The following BLTP1 variants were observed in gnomAD, a reference collection of about 807,000 sequenced individuals.
The protein encoded by BLTP1 is bridge-like lipid transfer protein family member 1, also known as fragile site-associated protein.
At chr4:122,205,709 T>C in the BLTP1 span, among the ~76,000 whole-genome samples, 3 of 148,622 alleles carry the variant, frequency 2.0e-5, no homozygotes, top group South Asian at 6.3e-4. Context: ...ATTGTTTCCC[T>C]CTCTCTCTCT....
At chr4:122,299,146 G>A in the BLTP1 span, 4 of 984,732 alleles carry the variant, frequency 4.1e-6, no homozygotes, top group South Asian at 4.7e-5. Context: ...GTATTTTTTG[G>A]CAAACATCAT....
chr4:122,207,994 A>T, the BLTP1 span: 1 of 985,208 alleles, frequency 1.0e-6, no homozygotes, highest in Non-Finnish European at 1.2e-6. Context: ...CATGAATTCA[A>T]GGAGTAACCA....
chr4:122,226,279 C>A, the BLTP1 span: 1 of 426,932 alleles, frequency 2.3e-6, no homozygotes, highest in African/African-American at 2.2e-5. Flanking sequence ...TTCAAAATAC[C>A]TGGTTTTAAA....
chr4:122,211,817 A>G, the BLTP1 span, among the ~76,000 whole-genome samples: 1 of 152,134 alleles, frequency 6.6e-6, no homozygotes, highest in African/African-American at 2.4e-5. Context: ...AATCACTCTT[A>G]TTCTTTTGAT....
At chr4:122,163,595 C>T in the BLTP1 span, among the ~76,000 whole-genome samples, 1 of 152,200 alleles carries the variant, frequency 6.6e-6, no homozygotes, top group Admixed American at 6.5e-5. Context: ...TTATACAATT[C>T]AGTATCTATG....
chr4:122,278,416 C>T, the BLTP1 span, among the ~76,000 whole-genome samples: 360 of 152,206 alleles, frequency 2.4e-3, 1 homozygote, highest in Admixed American at 4.6e-3. Flanking sequence ...CTACTGATTT[C>T]CCATCAAAAC....
At chr4:122,259,039 C>T in the BLTP1 span, among the ~76,000 whole-genome samples, 1 of 152,112 alleles carries the variant, frequency 6.6e-6, no homozygotes, top group South Asian at 2.1e-4. Context: ...TGATTAAGGA[C>T]CACTATAACT....
At chr4:122,219,093 G>A in the BLTP1 span, 83 of 970,004 alleles carry the variant, frequency 8.6e-5, no homozygotes, top group Non-Finnish European at 8.8e-5. Flanking sequence ...TTGGGGCAAT[G>A]CCATGAAGTT....
chr4:122,159,565 T>C, the BLTP1 span, among the ~76,000 whole-genome samples: 1 of 152,226 alleles, frequency 6.6e-6, no homozygotes, highest in Non-Finnish European at 1.5e-5. Context: ...TTCACTTTGT[T>C]GTTGAATTGA....
At chr4:122,194,064 G>A in the BLTP1 span, among the ~76,000 whole-genome samples, 15 of 151,988 alleles carry the variant, frequency 9.9e-5, no homozygotes, top group African/African-American at 3.1e-4. Flanking sequence ...GGGTTTCACC[G>A]TTTTAGCCGG....
chr4:122,186,969 G>T, the BLTP1 span: 8 of 971,930 alleles, frequency 8.2e-6, no homozygotes, highest in Non-Finnish European at 9.8e-6. Context: ...TTGGCACAAG[G>T]CATTTGGGTG....
chr4:122,264,159 A>G, the BLTP1 span: 2 of 1,407,862 alleles, frequency 1.4e-6, no homozygotes, highest in South Asian at 1.9e-5. Context: ...TGGTACTACT[A>G]TACAGGCTTC....
chr4:122,335,010 T>C, the BLTP1 span, among the ~76,000 whole-genome samples: 19,033 of 151,908 alleles, frequency 0.13, 1,271 homozygotes, highest in African/African-American at 0.16. Context: ...GGATCTAACT[T>C]ATGGTCTTTT....
At chr4:122,153,178 T>C in the BLTP1 span, 3 of 290,958 alleles carry the variant, frequency 1.0e-5, no homozygotes, top group South Asian at 2.7e-4. Flanking sequence ...TTTTTTTTTT[T>C]TACCTTCCTG....
chr4:122,239,391 G>A, the BLTP1 span: 2 of 832,104 alleles, frequency 2.4e-6, no homozygotes, highest in African/African-American at 1.7e-5. Context: ...TTATAAAATT[G>A]TAGATTTTCT....
the BLTP1 span, chr4:122,316,672 A>C: frequency 4.5e-6 from 7 of 1,566,332 alleles, no homozygotes; most frequent in African/African-American, 6.8e-5. Context: ...ATTTTGTGAT[A>C]GTATAGATTT....
chr4:122,248,210 T>A, the BLTP1 span: 1 of 730,650 alleles, frequency 1.4e-6, no homozygotes, highest in Non-Finnish European at 1.7e-6. Flanking sequence ...TCTGTAGTCC[T>A]AAAACTGGTG....
the BLTP1 span, among the ~76,000 whole-genome samples, chr4:122,282,883 C>CT: frequency 1.8e-4 from 27 of 150,784 alleles, no homozygotes; most frequent in Non-Finnish European, 2.7e-4. Context: ...GTTGATGGTT[C>CT]TTTTTTTTTG....
At chr4:122,178,916 C>T in the BLTP1 span, among the ~76,000 whole-genome samples, 45 of 152,166 alleles carry the variant, frequency 3.0e-4, no homozygotes, top group African/African-American at 9.6e-4. Flanking sequence ...ATGCGTAAAT[C>T]ACTCTTTTCC....
Sources: allele counts gnomAD v4.1 joint callset (sites outside exome capture counted in the v4.1 genomes callset), GRCh38; gene constraint gnomAD v4.1.1; transcripts MANE v1.5; gene names NCBI Gene and HGNC (gene_info 2026-07-23, HGNC 2026-07-21).